Variants in UGT2B28 observed in about 807,000 individuals in gnomAD.
UGT2B28 encodes UDP glucuronosyltransferase family 2 member B28, also known as UDP-glucuronosyltransferase 2B28.
In UGT2B28, 45 loss-of-function variants were observed where a neutral mutation model predicts 43.6. The observed-to-expected ratio is 1.03, with a 90% CI of 0.81 to 1.32. The LOEUF is 1.32. Among genes scored for constraint, UGT2B28 ranks in the 40% most tolerant of loss-of-function variants. The pLI is 0.00. For synonymous variants in UGT2B28, 204 were observed against 208.1 expected (o/e 0.98, Z 0.17); for missense variants, 649 against 625.5 (o/e 1.04, Z -0.40).
In UGT2B28 at chr4:69,294,764, T is replaced by C; in HGVS notation, c.1545T>C (p.Cys515=). 2 of 1,558,852 alleles carry C rather than the reference T, an allele frequency of 1.3e-6. No homozygotes were observed. The highest frequency in any genetic ancestry group is 1.7e-6 in the Non-Finnish European group (2 of 1,154,898). ...TCGTCACAAAGTTTTGTCTGTTTTGTTTCTGGAAGTTTGCTAGAAAAGGGA... is the reference window on the plus strand; with the variant it reads ...TCGTCACAAAGTTTTGTCTGTTTTGCTTCTGGAAGTTTGCTAGAAAAGGGA... ...IFVVTKFCLF[C]FWKFARKGKK... Residue 515 remains cysteine (C), a synonymous_variant, in exon 6 of 6, where the codon TGT becomes TGC. Transcript: ENST00000335568.
intron 1 of UGT2B28, 79 bp from the exon 2 acceptor site, chr4:69,282,435 T>C: frequency 1.4e-6 from 2 of 1,425,394 alleles, no homozygotes; most frequent in Non-Finnish European, 9.2e-7. Flanking sequence ...TTTGCCTACA[T>C]AATTCTAACC....
chr4:69,282,416 A>T (rs1723640983), intron 1 of UGT2B28, 98 bp from the exon 2 acceptor site: 2 of 1,280,452 alleles, frequency 1.6e-6, no homozygotes, highest in East Asian at 5.3e-5. Context: ...CACAAACTTT[A>T]CCTACATCTT....
Position 69,281,037 on chromosome 4 carries a change from A to C in UGT2B28, c.537A>C (p.Thr179=). ...VYSLCFTPGY[T]IERHSGGLIF... ...GTCTCTGCTTCACTCCTGGCTACACAATTGAAAGGCACAGTGGAGGACTGA... is the reference window on the plus strand; with the variant it reads ...GTCTCTGCTTCACTCCTGGCTACACCATTGAAAGGCACAGTGGAGGACTGA... Residue 179 remains threonine, a synonymous_variant, in exon 1 of 6, where the codon ACA becomes ACC. Coordinates refer to ENST00000335568, the MANE Select transcript of UGT2B28 (RefSeq NM_053039.2). 6.4e-7 allele frequency: 1 copy of C among 1,559,230 alleles called. No individual in the cohort carries two copies. The highest frequency in any genetic ancestry group is 8.7e-7 in the Non-Finnish European group (1 of 1,155,258).
At chr4:69,283,712 A>G (rs4597901) in intron 2 of UGT2B28, among the ~76,000 whole-genome samples, 62,205 of 139,216 alleles carry the variant, frequency 0.45, 19,646 homozygotes, top group Non-Finnish European at 0.53. Flanking sequence ...TGTTATTATT[A>G]CCAATACTAC....
In UGT2B28 at chr4:69,292,240, A is replaced by T. The variant is rs757716248; in HGVS notation, c.1310+1429A>T. Among the ~76,000 whole-genome samples the T allele has an allele frequency of 1.2e-4, 17 of 140,330 alleles. 2 individuals carry two copies. The highest frequency in any genetic ancestry group is 1.8e-4 in the Non-Finnish European group (12 of 65,638). The allele number at this position is 140,330 out of a possible 152,430, so 92.1% of individuals were successfully genotyped here. On this transcript the variant is annotated intron_variant, in intron 5 of 5. Coordinates refer to ENST00000335568, the MANE Select transcript of UGT2B28 (RefSeq NM_053039.2). ...AGTTTTAATAATTGATTTTGTTCACACCCCAAAGATAACAATGTGAAAAAT... is the reference window on the plus strand; with the variant it reads ...AGTTTTAATAATTGATTTTGTTCACTCCCCAAAGATAACAATGTGAAAAAT...
At chr4:69,287,978 A>C (rs1447739161) in intron 3 of UGT2B28, among the ~76,000 whole-genome samples, 1 of 139,938 alleles carries the variant, frequency 7.1e-6, no homozygotes, top group Non-Finnish European at 1.5e-5. Context: ...AATTAGTAAC[A>C]AAATAAGAAT....
In UGT2B28 at chr4:69,292,563, A is replaced by G. The variant is rs1361084155; in HGVS notation, c.1310+1752A>G. ...TTTAATAAAAGAGCAAATAATGAGTAAGGACATAAAACACTTGAAGAATAC... is the reference window on the plus strand; with the variant it reads ...TTTAATAAAAGAGCAAATAATGAGTGAGGACATAAAACACTTGAAGAATAC... On this transcript the variant is annotated intron_variant, in intron 5 of 5. Transcript: ENST00000335568. Among the ~76,000 whole-genome samples, 2 of 140,954 alleles carry G rather than the reference A, an allele frequency of 1.4e-5. 1 individual carries two copies. The highest frequency in any genetic ancestry group is 1.4e-4 in the Admixed American group (2 of 14,068). The allele number at this position is 140,954 out of a possible 152,430, so 92.5% of individuals were successfully genotyped here.
intron 4 of UGT2B28, 140 bp from the exon 5 acceptor site, chr4:69,290,452 G>A: frequency 8.6e-7 from 1 of 1,161,334 alleles, no homozygotes; most frequent in Non-Finnish European, 1.2e-6. Context: ...ACAAGTACGT[G>A]TTTATTCCTC....
rs2109683304 is a variant in UGT2B28, at chr4:69,282,664, T to C, written c.870+2T>C. ...AAACCTGCCAAACCCCTACCTAAGGTAAACATACTTTCGTTGGTTTTATTT... is the reference window on the plus strand; with the variant it reads ...AAACCTGCCAAACCCCTACCTAAGGCAAACATACTTTCGTTGGTTTTATTT... On this transcript the variant is annotated splice_donor_variant, in intron 2 of 5. Coordinates refer to ENST00000335568, the MANE Select transcript of UGT2B28 (RefSeq NM_053039.2). LOFTEE classifies it high-confidence loss of function. The C allele has an allele frequency of 6.5e-7, 1 of 1,544,392 alleles. No homozygotes were observed. The highest frequency in any genetic ancestry group is 2.3e-5 in the East Asian group (1 of 42,982).
At chr4:69,283,310 C>T (rs1723676153) in intron 2 of UGT2B28, among the ~76,000 whole-genome samples, 1 of 139,168 alleles carries the variant, frequency 7.2e-6, no homozygotes, top group Non-Finnish European at 1.5e-5. Context: ...CTAGATCATA[C>T]TAAGAGGTAA....
At position 69,288,703 on chromosome 4, in the gene UGT2B28, TA is replaced by T. The variant is rs543598589; in HGVS notation, c.1003-960del. 2.2e-3 allele frequency among the ~76,000 whole-genome samples: 302 copies of T among 139,550 alleles called. 69 individuals carry two copies. The highest frequency in any genetic ancestry group is 8.3e-3 in the African/African-American group (296 of 35,690). The allele number at this position is 139,550 out of a possible 152,430, so 91.6% of individuals were successfully genotyped here. A position where few individuals can be genotyped will look rare whatever the true frequency, so the allele number is the denominator to read the frequency against. On this transcript the variant is annotated intron_variant, in intron 3 of 5. Coordinates refer to ENST00000335568, the MANE Select transcript of UGT2B28 (RefSeq NM_053039.2). ...TGTTTCATCACCCAGGTATTAAGAC[TA>T]ATATTCGTTTATTATTTTTCCTGAT...
rs1723637228 is a variant in UGT2B28 at position 69,282,337 on chromosome 4, G to T, written c.722-177G>T. Among the ~76,000 whole-genome samples the T allele has an allele frequency of 2.9e-5, 4 of 139,120 alleles. 1 individual carries two copies. The highest frequency in any genetic ancestry group is 5.6e-5 in the African/African-American group (2 of 35,514). The allele number at this position is 139,120 out of a possible 152,430, so 91.3% of individuals were successfully genotyped here. On this transcript the variant is annotated intron_variant, in intron 1 of 5. Coordinates refer to ENST00000335568, the MANE Select transcript of UGT2B28 (RefSeq NM_053039.2). ...TTTGCCTTTCTTATAAATAAACATG[G>T]ACAAAATATATAATACATAAAAATA...
rs939430819 is a variant in UGT2B28 at position 69,283,948 on chromosome 4, C to T, written c.870+1286C>T. Among the ~76,000 whole-genome samples, 3 of 141,006 alleles carry T rather than the reference C, an allele frequency of 2.1e-5. 1 individual carries two copies. Among genetic ancestry groups the T allele is most frequent in the African/African-American group, 8.3e-5 (3 of 36,210 alleles). 92.5% of individuals were successfully genotyped at this position (141,006 alleles called of 152,430 possible). A position where few individuals can be genotyped will look rare whatever the true frequency, so the allele number is the denominator to read the frequency against. ...TCTTCACTAGTATTCGAGCATAAAA[C>T]ACTTCCTCAACAATACAAATGTGTG... On this transcript the variant is annotated intron_variant, in intron 2 of 5. Transcript: ENST00000335568.
intron 4 of UGT2B28, 119 bp downstream of exon 4, chr4:69,289,871 G>A (rs1723898112): frequency 7.1e-6 from 8 of 1,132,838 alleles, no homozygotes; most frequent in Non-Finnish European, 9.5e-6. Context: ...GAACTTCTTT[G>A]TATTTATTTT....
rs1379555751 is a variant in UGT2B28, at chr4:69,281,011, A to G, written c.511A>G (p.Ser171Gly). ...AALLNIPFVY[S>G]LCFTPGYTIE... ...GCTACTTAACATACCGTTTGTGTAC[A>G]GTCTCTGCTTCACTCCTGGCTACAC... The change falls in exon 1 of 6, where the codon AGT becomes GGT. Residue 171 changes from serine to glycine, a missense_variant. Transcript: ENST00000335568. 3 of 1,559,618 alleles carry G rather than the reference A, an allele frequency of 1.9e-6. No individual in the cohort carries two copies. The highest frequency in any genetic ancestry group is 2.4e-5 in the South Asian group (2 of 84,222).
In UGT2B28 at chr4:69,286,392, G is replaced by C. The variant is rs183363057; in HGVS notation, c.871-360G>C. Among the ~76,000 whole-genome samples, 24 of 140,502 alleles carry C rather than the reference G, an allele frequency of 1.7e-4. 7 individuals are homozygous for C. The highest frequency in any genetic ancestry group is 6.4e-4 in the African/African-American group (23 of 35,980). The allele number at this position is 140,502 out of a possible 152,430, so 92.2% of individuals were successfully genotyped here. ...AAAAATATAGCATTAAAGCCTAGTG[G>C]TGCCACTTTTCCAAGAACTTATATT... On this transcript the variant is annotated intron_variant, in intron 2 of 5. Transcript: ENST00000335568.
At position 69,280,850 on chromosome 4, in the gene UGT2B28, G is replaced by A. The variant is rs1169942413; in HGVS notation, c.350G>A (p.Trp117Ter). 8.3e-6 allele frequency: 13 copies of A among 1,559,900 alleles called. 4 individuals carry two copies. Among genetic ancestry groups the A allele is most frequent in the African/African-American group, 6.0e-5 (4 of 66,250 alleles). Residue 117 changes from tryptophan (W) to a stop codon, truncating the protein, a stop_gained, in exon 1 of 6, where the codon TGG becomes TAG. Coordinates refer to ENST00000335568, the MANE Select transcript of UGT2B28 (RefSeq NM_053039.2). LOFTEE classifies it high-confidence loss of function. Reference sequence around the variant, plus strand: ...TTTTCACAAGAACAAGAAATCCTGTGGGAATTTCATGACATATTTAGAAAC... The same window carrying A: ...TTTTCACAAGAACAAGAAATCCTGTAGGAATTTCATGACATATTTAGAAAC... ...LYFSQEQEIL[W>*]EFHDIFRNFC...
Position 69,290,190 on chromosome 4 carries a change from A to T in UGT2B28, c.1091-402A>T, listed in dbSNP as rs189164119. On this transcript the variant is annotated intron_variant, in intron 4 of 5. Transcript: ENST00000335568. ...AAAGTAGTGACACATTTCATGATGA[A>T]GTGTAACCTGTCTTTCCTCAATCCT... is the stretch of plus-strand genomic sequence containing the variant. Among the ~76,000 whole-genome samples, 512 of 140,152 alleles carry T rather than the reference A, an allele frequency of 3.7e-3. 59 individuals carry two copies. The highest frequency in any genetic ancestry group is 7.4e-3 in the Admixed American group (103 of 13,964). The allele number at this position is 140,152 out of a possible 152,430, so 91.9% of individuals were successfully genotyped here.
At chr4:69,292,124 A>T (rs1371124493) in intron 5 of UGT2B28, among the ~76,000 whole-genome samples, 1 of 140,686 alleles carries the variant, frequency 7.1e-6, no homozygotes, top group Admixed American at 7.1e-5. Context: ...CAGATATATA[A>T]TTTTTAAATA....
Sources: gnomAD v4.1 joint callset for allele counts (sites outside exome capture counted in the v4.1 genomes callset) on GRCh38, gnomAD v4.1.1 for gene constraint, MANE v1.5 for transcripts, NCBI Gene and HGNC (gene_info 2026-07-23, HGNC 2026-07-21) for gene names.